KRT6B: variants seen among roughly 807,000 people sequenced by gnomAD.
The protein encoded by KRT6B is keratin 6B.
In KRT6B, 29 loss-of-function variants were observed where a neutral mutation model predicts 44.7. The observed-to-expected ratio is 0.65, with a 90% confidence interval of 0.48 to 0.88. KRT6B has a LOEUF of 0.88. KRT6B is among the 40% of genes least tolerant of loss of function. The pLI is 0.00. For missense variants in KRT6B, 600 were observed against 724.0 expected, an observed-to-expected ratio of 0.83 and a Z score of 1.97; for synonymous variants, 213 against 296.0, an observed-to-expected ratio of 0.72 and a Z score of 2.88.
intron 8 of KRT6B, 51 bp downstream of exon 8, chr12:52,447,488 C>G (rs1940329940): frequency 6.2e-7 from 1 of 1,613,884 alleles, no homozygotes; most frequent in Admixed American, 1.7e-5. Flanking sequence ...CGGCCTGAGC[C>G]CAGTCAGGAG....
chr12:52,448,818 C>G, intron 6 of KRT6B, 24 bp downstream of exon 6: 1 of 1,614,148 alleles, frequency 6.2e-7, no homozygotes, highest in Non-Finnish European at 8.5e-7. Context: ...TGATGCTTTT[C>G]TCCTCCATTG....
In KRT6B at chr12:52,452,110, G is replaced by A. The variant is rs1940417921; in HGVS notation, c.-32C>T. Reference sequence around the variant, plus strand: ...AGGAGATGAGAGGGCTTAGGAGAGTGTGAGAGGCTGGAGGCGAGAGGGAGG... The same window carrying A: ...AGGAGATGAGAGGGCTTAGGAGAGTATGAGAGGCTGGAGGCGAGAGGGAGG... On this transcript the variant is annotated 5_prime_UTR_variant, in exon 1 of 9. Transcript: ENST00000252252. 2.5e-6 allele frequency: 4 copies of A among 1,614,144 alleles called. No individual in the cohort carries two copies. The highest frequency in any genetic ancestry group is 3.4e-6 in the Non-Finnish European group (4 of 1,180,024).
In KRT6B at chr12:52,447,168, A is replaced by G; in HGVS notation, c.*22T>C. 1 of 1,613,450 alleles carries G rather than the reference A, an allele frequency of 6.2e-7. No individual in the cohort carries two copies. The highest frequency in any genetic ancestry group is 8.5e-7 in the Non-Finnish European group (1 of 1,179,878). On this transcript the variant is annotated 3_prime_UTR_variant, in exon 9 of 9. Transcript: ENST00000252252. ...CAGAGAGGGGCCTGAGAGCTGTGGG[A>G]CTGAGAGCTGGCGGCAGCACTTCAG...
In KRT6B at chr12:52,451,616, C is replaced by A. The variant is rs1701772; in HGVS notation, c.463G>T (p.Ala155Ser). The A allele has an allele frequency of 2.5e-6, 4 of 1,613,220 alleles. No individual in the cohort carries two copies. The South Asian group carries it at 4.4e-5, about 18-fold the overall frequency. ...TCCTCGGCCCGCACCCGCTGGATGG[C>A]GGGGTCAATTTGCAGGTTGAGGGGA... ...LTPLNLQIDP[A>S]IQRVRAEERE... Residue 155 changes from alanine (A) to serine (S), a missense_variant, in exon 1 of 9, where the codon GCC becomes TCC. This residue lies in a region of KRT6B where 31 missense variants were observed against 79.0 expected (regional missense o/e 0.39). Transcript: ENST00000252252.
intron 5 of KRT6B, 95 bp from the exon 6 acceptor site, chr12:52,449,062 C>T (rs1290850283): frequency 6.5e-7 from 1 of 1,527,772 alleles, no homozygotes; most frequent in East Asian, 2.3e-5. Context: ...ATGAAGTGGA[C>T]CTAATGGCTT....
chr12:52,452,069 T>C lies in KRT6B; in HGVS notation c.10A>G (p.Thr4Ala). 1 of 1,614,056 alleles carries C rather than the reference T, an allele frequency of 6.2e-7. No individual in the cohort carries two copies. The highest frequency in any genetic ancestry group is 8.5e-7 in the Non-Finnish European group (1 of 1,180,006). The change falls in exon 1 of 9, where the codon ACA (threonine) becomes GCA (alanine). Residue 4 changes from threonine (T) to alanine (A), a missense_variant. This residue lies in a region of KRT6B where 78 missense variants were observed against 97.5 expected (regional missense o/e 0.80). Coordinates refer to ENST00000252252, the MANE Select transcript of KRT6B (RefSeq NM_005555.4). The part of the protein sequence containing the change: MAS[T>A]STTIRSHSSS... ...CTGTGGCTCCTGATGGTGGTGGATGTGCTGGCCATGGTTCCAGGAGATGAG... is the reference window on the plus strand; with the variant it reads ...CTGTGGCTCCTGATGGTGGTGGATGCGCTGGCCATGGTTCCAGGAGATGAG...
chr12:52,447,552 T>A lies in KRT6B; in HGVS notation c.1446A>T (p.Gly482=), dbSNP rs1310896860. ...AAAGGTACTTACAGATGTTGACTTG[T>A]CCAACGCCTTCGCCATTCAGCCTGT... is the stretch of plus-strand genomic sequence containing the variant. ...EECRLNGEGV[G]QVNISVVQST... The change falls in exon 8 of 9, where the codon GGA becomes GGT. Residue 482 remains glycine, a synonymous_variant. Coordinates refer to ENST00000252252, the MANE Select transcript of KRT6B (RefSeq NM_005555.4). 6.2e-7 allele frequency: 1 copy of A among 1,613,964 alleles called. No individual in the cohort carries two copies. Among genetic ancestry groups the A allele is most frequent in the South Asian group, 1.1e-5 (1 of 91,068 alleles).
In KRT6B at chr12:52,448,981, G is replaced by A; in HGVS notation, c.1078-14C>T. 6.2e-7 allele frequency: 1 copy of A among 1,612,186 alleles called. No homozygotes were observed. Among genetic ancestry groups the A allele is most frequent in the Non-Finnish European group, 8.5e-7 (1 of 1,178,656 alleles). On this transcript the variant is annotated splice_polypyrimidine_tract_variant and intron_variant, in intron 5 of 8. Transcript: ENST00000252252. ...CAGCTCCTCGTACTGCAGCCCAGAG[G>A]TGGAGAGAGAGACAGTGTCTACGGG...
rs754265192 is a variant in KRT6B, at chr12:52,449,468, C to G, written c.1077+1G>C. ...TCAGCGGCTGTCCACTCCGTGCTCA[C>G]CTTTGTCTGGTACCAGGACTCAGCC... On this transcript the variant is annotated splice_donor_variant, in intron 5 of 8. Coordinates refer to ENST00000252252, the MANE Select transcript of KRT6B (RefSeq NM_005555.4). LOFTEE classifies it high-confidence loss of function. 1.2e-6 allele frequency: 2 copies of G among 1,614,060 alleles called. No homozygotes were observed. The highest frequency in any genetic ancestry group is 2.7e-5 in the African/African-American group (2 of 74,928).
intron 3 of KRT6B, 75 bp downstream of exon 3, chr12:52,449,937 C>T: frequency 1.2e-6 from 2 of 1,613,928 alleles, no homozygotes; most frequent in Non-Finnish European, 1.7e-6. Flanking sequence ...CAATTCTCCT[C>T]TCCCAGGGGA....
chr12:52,446,827 GGCAGGA>G lies in KRT6B; in HGVS notation c.*357_*362del. On this transcript the variant is annotated 3_prime_UTR_variant, in exon 9 of 9. Transcript: ENST00000252252. ...AGAACTCCTGAGTGTAGCTATAATG[GGCAGGA>G]TGGTTAGCAATTAAAGAGAGGACTC... 5.9e-4 allele frequency: 198 copies of G among 335,492 alleles called. No individual in the cohort carries two copies. Among genetic ancestry groups the G allele is most frequent in the South Asian group, 1.3e-3 (37 of 27,784 alleles). The allele number at this position is 335,492 out of a possible 1,614,324, so 20.8% of individuals were successfully genotyped here.
chr12:52,447,671 C>T, intron 7 of KRT6B, 98 bp from the exon 8 acceptor site: 1 of 1,613,802 alleles, frequency 6.2e-7, no homozygotes, highest in Non-Finnish European at 8.5e-7. Context: ...TAGTTTTCTC[C>T]CAAGAAGAGC....
intron 1 of KRT6B, among the ~76,000 whole-genome samples, chr12:52,451,242 T>C (rs1940398115): frequency 6.6e-6 from 1 of 150,822 alleles, no homozygotes; most frequent in East Asian, 1.9e-4. Context: ...TTGTAATCTC[T>C]TAAACACTTC....
Position 52,450,667 on chromosome 12 carries a change from G to A in KRT6B, c.541-47C>T, listed in dbSNP as rs71453298. 46 of 1,613,682 alleles carry A rather than the reference G, an allele frequency of 2.9e-5. No homozygotes were observed. The Middle Eastern group carries it at 4.9e-4, about 17-fold the overall frequency. ...CATTTTCCAGGAAAAGGAAGGCAGA[G>A]AAAGTGTCTGGTATCCAGTTTCCTG... On this transcript the variant is annotated intron_variant, in intron 1 of 8. Transcript: ENST00000252252.
chr12:52,451,943 C>T lies in KRT6B; in HGVS notation c.136G>A (p.Gly46Ser), dbSNP rs373935299. 1.3e-4 allele frequency: 207 copies of T among 1,613,290 alleles called. No individual in the cohort carries two copies. The highest frequency in any genetic ancestry group is 1.5e-4 in the Non-Finnish European group (179 of 1,179,996). Residue 46 changes from glycine (G) to serine (S), a missense_variant, in exon 1 of 9, where the codon GGC (glycine) becomes AGC (serine). Around this residue, in one of 4 missense-constraint regions of KRT6B, gnomAD observed 78 missense variants for 97.5 expected, o/e 0.80. Transcript: ENST00000252252. ...GCTCCTCCACATGCGCCACCCAGGC[C>T]ACCACTGCCCCTGGAGCGGGACACG... The part of the protein sequence containing the change: ...ISVSRSRGSG[G>S]LGGACGGAGF...
chr12:52,447,592 G>A lies in KRT6B; in HGVS notation c.1425-19C>T. On this transcript the variant is annotated intron_variant, in intron 7 of 8. Transcript: ENST00000252252. ...ATTCAGCCTGTGGAGAGGAACACAG[G>A]GAGGGTGAGACCTTCCCTGGACGAG... The A allele has an allele frequency of 4.3e-6, 7 of 1,614,016 alleles. No individual in the cohort carries two copies. The highest frequency in any genetic ancestry group is 1.7e-4 in the Middle Eastern group (1 of 6,056).
intron 5 of KRT6B, 74 bp downstream of exon 5, chr12:52,449,395 A>C: frequency 6.2e-7 from 1 of 1,606,698 alleles, no homozygotes; most frequent in Non-Finnish European, 8.5e-7. Flanking sequence ...GGATGTCCCC[A>C]GTGAAGTCTG....
In KRT6B at chr12:52,446,903, A is replaced by C; in HGVS notation, c.*287T>G. 2.0e-6 allele frequency: 1 copy of C among 503,862 alleles called. No homozygotes were observed. Among genetic ancestry groups the C allele is most frequent in the Non-Finnish European group, 3.6e-6 (1 of 279,522 alleles). The allele number at this position is 503,862 out of a possible 1,614,324, so 31.2% of individuals were successfully genotyped here. On this transcript the variant is annotated 3_prime_UTR_variant, in exon 9 of 9. Transcript: ENST00000252252. ...AGACTGAGTTTCAGTTCTTATGGGG[A>C]TATAGGTCATTTTCTTCTCAGAATT... is the stretch of plus-strand genomic sequence containing the variant.
intron 1 of KRT6B, 25 bp downstream of exon 1, chr12:52,451,514 G>T: frequency 2.5e-6 from 4 of 1,604,712 alleles, no homozygotes; most frequent in Non-Finnish European, 3.4e-6. Context: ...TGAAGTGCCC[G>T]ATGGAGGGCA....
Sources: gnomAD v4.1 joint callset for allele counts (sites outside exome capture counted in the v4.1 genomes callset) on GRCh38, gnomAD v4.1.1 for gene constraint, gnomAD v4.1.1 regional missense constraint, MANE v1.5 for transcripts, NCBI Gene and HGNC (gene_info 2026-07-23, HGNC 2026-07-21) for gene names.